IGSF5: variants seen among roughly 807,000 people sequenced by gnomAD.
IGSF5 encodes the protein immunoglobulin superfamily member 5, also known as immunoglobulin superfamily 5 like.
In IGSF5, 41 loss-of-function variants were observed where a neutral mutation model predicts 39.4. The observed-to-expected ratio is 1.04, with a 90% CI of 0.81 to 1.35. The LOEUF is 1.35. Among genes scored for constraint, IGSF5 ranks in the 40% most tolerant of loss-of-function variants. The pLI is 0.00. For missense variants in IGSF5, 487 were observed against 494.6 expected (o/e 0.98, Z 0.15); for synonymous variants, 183 against 175.3 (o/e 1.04, Z -0.34).
chr21:39,722,299 C>T, the IGSF5 span, among the ~76,000 whole-genome samples: 2 of 152,200 alleles, frequency 1.3e-5, no homozygotes, highest in Admixed American at 6.5e-5. Context: ...AATGCACCCT[C>T]AGTCATGCTG....
chr21:39,733,684 G>T, the IGSF5 span, among the ~76,000 whole-genome samples: 8 of 152,190 alleles, frequency 5.3e-5, no homozygotes, highest in Non-Finnish European at 8.8e-5. Context: ...CAGAAGTCTT[G>T]ATTTCAGAAG....
At chr21:39,713,663 G>A in the IGSF5 span, among the ~76,000 whole-genome samples, 1 of 152,174 alleles carries the variant, frequency 6.6e-6, no homozygotes, top group Non-Finnish European at 1.5e-5. Flanking sequence ...GGATAAGTGT[G>A]TTTCAGCAAT....
At chr21:39,730,991 A>T in the IGSF5 span, among the ~76,000 whole-genome samples, 1 of 152,172 alleles carries the variant, frequency 6.6e-6, no homozygotes, top group Non-Finnish European at 1.5e-5. Flanking sequence ...AGCAAGCACC[A>T]CTGTTTCTCC....
intron 5 of IGSF5, among the ~76,000 whole-genome samples, chr21:39,781,390 C>T (rs2080169729): frequency 6.6e-6 from 1 of 152,102 alleles, no homozygotes; most frequent in African/African-American, 2.4e-5. Flanking sequence ...AATATATAAG[C>T]ATTTAGGTCA....
the IGSF5 span, among the ~76,000 whole-genome samples, chr21:39,734,887 A>G: frequency 6.6e-6 from 1 of 151,520 alleles, no homozygotes; most frequent in East Asian, 1.9e-4. Flanking sequence ...TTTTTGAGAT[A>G]TAGTCTTGCT....
At chr21:39,715,850 A>G in the IGSF5 span, among the ~76,000 whole-genome samples, 2 of 149,224 alleles carry the variant, frequency 1.3e-5, no homozygotes, top group African/African-American at 2.4e-5. Flanking sequence ...CGGATTACTG[A>G]GTTACCCAAC....
the IGSF5 span, among the ~76,000 whole-genome samples, chr21:39,718,744 G>A: frequency 6.6e-6 from 1 of 152,098 alleles, no homozygotes; most frequent in Non-Finnish European, 1.5e-5. Flanking sequence ...TGCTGGATTC[G>A]GTTTGCAAGT....
chr21:39,732,172 C>T, the IGSF5 span, among the ~76,000 whole-genome samples: 1 of 152,130 alleles, frequency 6.6e-6, no homozygotes, highest in Admixed American at 6.5e-5. Context: ...TTCCAGCTGA[C>T]CCATGTGAAG....
At chr21:39,776,984 C>G (rs1325709162) in intron 4 of IGSF5, among the ~76,000 whole-genome samples, 1 of 152,188 alleles carries the variant, frequency 6.6e-6, no homozygotes, top group African/African-American at 2.4e-5. Context: ...CTGTAGCTTA[C>G]AGCATTCTCA....
At chr21:39,735,993 T>C in the IGSF5 span, among the ~76,000 whole-genome samples, 2 of 152,194 alleles carry the variant, frequency 1.3e-5, no homozygotes, top group Non-Finnish European at 2.9e-5. Flanking sequence ...AGGCAAACTC[T>C]TGACTGTGTG....
At chr21:39,735,604 A>T in the IGSF5 span, among the ~76,000 whole-genome samples, 1 of 152,236 alleles carries the variant, frequency 6.6e-6, no homozygotes, top group Admixed American at 6.5e-5. Flanking sequence ...AGATAACATC[A>T]TGGTTCTCAT....
At chr21:39,721,651 G>A in the IGSF5 span, among the ~76,000 whole-genome samples, 1 of 150,228 alleles carries the variant, frequency 6.7e-6, no homozygotes, top group Non-Finnish European at 1.5e-5. Context: ...TGGCCATGAT[G>A]ACACCAAACC....
At chr21:39,786,300 C>T (rs1458986405) in intron 5 of IGSF5, among the ~76,000 whole-genome samples, 7 of 150,918 alleles carry the variant, frequency 4.6e-5, no homozygotes, top group Non-Finnish European at 7.4e-5. Flanking sequence ...GGGCAAAGGA[C>T]ATGAACAGAC....
intron 2 of IGSF5, among the ~76,000 whole-genome samples, chr21:39,753,923 T>TC (rs1361135363): frequency 6.6e-6 from 1 of 151,226 alleles, no homozygotes; most frequent in African/African-American, 2.4e-5. Context: ...GGTTGGTGTT[T>TC]TTTTGTTTTT....
At chr21:39,764,703 C>T (rs952057924) in intron 2 of IGSF5, among the ~76,000 whole-genome samples, 7 of 152,148 alleles carry the variant, frequency 4.6e-5, no homozygotes, top group African/African-American at 1.7e-4. Context: ...TGGGGCTACC[C>T]AGTGTATATG....
chr21:39,794,173 G>A (rs190815150), intron 8 of IGSF5, among the ~76,000 whole-genome samples: 176 of 152,328 alleles, frequency 1.2e-3, no homozygotes, highest in African/African-American at 3.7e-3. Flanking sequence ...GAGAGGAGGA[G>A]TCCTTGATGA....
chr21:39,743,505 C>T (rs2079956651), upstream of IGSF5, among the ~76,000 whole-genome samples: 2 of 152,210 alleles, frequency 1.3e-5, no homozygotes, highest in African/African-American at 4.8e-5. Context: ...TCTCCTCCTC[C>T]CGCTGCTTGG....
chr21:39,774,288 C>T (rs2080129097), intron 4 of IGSF5, among the ~76,000 whole-genome samples: 1 of 152,194 alleles, frequency 6.6e-6, no homozygotes, highest in Non-Finnish European at 1.5e-5. Flanking sequence ...TCCAGAGAGC[C>T]AAGTGTTAAT....
intron 2 of IGSF5, among the ~76,000 whole-genome samples, chr21:39,757,696 C>A (rs2095260307): frequency 6.6e-6 from 1 of 151,934 alleles, no homozygotes; most frequent in Admixed American, 6.6e-5. Context: ...CCTGCCTCAG[C>A]CTCCTGAGTA....
Sources: allele counts gnomAD v4.1 joint callset (sites outside exome capture counted in the v4.1 genomes callset), GRCh38; gene constraint gnomAD v4.1.1; transcripts MANE v1.5; gene names NCBI Gene and HGNC (gene_info 2026-07-23, HGNC 2026-07-21).